Variants in RORA observed in about 807,000 individuals in gnomAD.
RORA encodes nuclear receptor ROR-alpha.
A neutral mutation model predicts 69.5 loss-of-function variants in RORA; 7 were observed. The observed-to-expected ratio is 0.10, with a 90% CI of 0.06 to 0.19. The LOEUF is 0.19. Ranked by LOEUF, RORA falls within the 10% of genes least tolerant of loss-of-function variation. The probability of loss-of-function intolerance (pLI) is 1.00; values close to 1 mark genes in which losing one functional copy is unlikely to be tolerated. For synonymous variants in RORA, 261 were observed against 240.8 expected (o/e 1.08, Z -0.78); for missense variants, 457 against 663.0 (o/e 0.69, Z 3.41).
intron 2 of RORA, among the ~76,000 whole-genome samples, chr15:60,561,076 GTTTTTGTTTTTT>G (rs1217558858): frequency 7.7e-6 from 1 of 129,410 alleles, no homozygotes; most frequent in Non-Finnish European, 1.7e-5. Context: ...TTTTTGTTTT[GTTTTTGTTTTTT>G]TTTTTGTTTT....
intron 4 of RORA, chr15:60,512,092 C>T (rs138686123): frequency 7.6e-5 from 12 of 157,736 alleles, no homozygotes; most frequent in Admixed American, 1.9e-4. Context: ...CCGTCTTGTA[C>T]GCTCCGACAG....
chr15:60,992,125 G>A (rs1016630275), intron 1 of RORA, among the ~76,000 whole-genome samples: 4 of 152,078 alleles, frequency 2.6e-5, no homozygotes, highest in Admixed American at 1.3e-4. Context: ...ACACATTATT[G>A]TATTAATAAA....
chr15:61,047,595 T>A (rs879738229), intron 1 of RORA, among the ~76,000 whole-genome samples: 1 of 137,014 alleles, frequency 7.3e-6, no homozygotes, highest in Non-Finnish European at 1.7e-5. Context: ...GTGTCGAGAA[T>A]GGTAAAACAA....
At chr15:61,118,216 A>G (rs2079067627) in intron 1 of RORA, among the ~76,000 whole-genome samples, 1 of 152,116 alleles carries the variant, frequency 6.6e-6, no homozygotes, top group Admixed American at 6.5e-5. Flanking sequence ...GGGGAATGTC[A>G]GGGTTTCAAG....
At chr15:60,935,722 T>C (rs1283181975) in intron 1 of RORA, among the ~76,000 whole-genome samples, 2 of 152,158 alleles carry the variant, frequency 1.3e-5, no homozygotes, top group Admixed American at 6.5e-5. Flanking sequence ...TCCAGATAAA[T>C]AAAACATCAG....
chr15:60,985,735 C>A (rs967647888), intron 1 of RORA, among the ~76,000 whole-genome samples: 10 of 151,904 alleles, frequency 6.6e-5, no homozygotes, highest in Non-Finnish European at 1.3e-4. Context: ...CAGGTGCGCG[C>A]CACCATGCCC....
intron 2 of RORA, among the ~76,000 whole-genome samples, chr15:60,598,806 A>T (rs2068754484): frequency 6.6e-6 from 1 of 152,216 alleles, no homozygotes; most frequent in African/African-American, 2.4e-5. Context: ...GAGGACACAA[A>T]GATGGATAAG....
At chr15:60,934,507 T>C in intron 1 of RORA, among the ~76,000 whole-genome samples, 1 of 152,116 alleles carries the variant, frequency 6.6e-6, no homozygotes, top group East Asian at 1.9e-4. Context: ...GTTTGTTTGT[T>C]TGTTTTTTTC....
intron 2 of RORA, among the ~76,000 whole-genome samples, chr15:60,587,921 T>C (rs1230636997): frequency 6.6e-6 from 1 of 152,188 alleles, no homozygotes; most frequent in Non-Finnish European, 1.5e-5. Context: ...AGACCTCCTA[T>C]CTCTTGACAA....
chr15:60,841,611 G>A (rs2073199441), intron 1 of RORA, among the ~76,000 whole-genome samples: 1 of 152,150 alleles, frequency 6.6e-6, no homozygotes, highest in South Asian at 2.1e-4. Flanking sequence ...TTTCCTGGAG[G>A]GATTCCTCCC....
At chr15:61,193,486 G>A (rs1662647615) in intron 1 of RORA, among the ~76,000 whole-genome samples, 1 of 152,142 alleles carries the variant, frequency 6.6e-6, no homozygotes, top group Non-Finnish European at 1.5e-5. Flanking sequence ...TGTGAATAGA[G>A]AAAAGCCAAC....
intron 1 of RORA, among the ~76,000 whole-genome samples, chr15:60,892,839 C>T (rs1027775586): frequency 3.9e-5 from 6 of 152,222 alleles, no homozygotes; most frequent in African/African-American, 1.2e-4. Flanking sequence ...AGTTGGCATG[C>T]TCCCAGCCTG....
At chr15:60,510,118 C>G (rs563176317) in intron 5 of RORA, among the ~76,000 whole-genome samples, 78 of 152,334 alleles carry the variant, frequency 5.1e-4, no homozygotes, top group African/African-American at 1.7e-3. Context: ...CTGAGGATTT[C>G]TGTGCTCAAG....
intron 1 of RORA, among the ~76,000 whole-genome samples, chr15:60,782,664 T>G (rs1245016536): frequency 6.6e-6 from 1 of 152,210 alleles, no homozygotes; most frequent in Non-Finnish European, 1.5e-5. Flanking sequence ...GAAGCAAAGT[T>G]TCCCGAAGAC....
At chr15:60,817,503 C>G (rs1473559211) in intron 1 of RORA, among the ~76,000 whole-genome samples, 2 of 152,206 alleles carry the variant, frequency 1.3e-5, no homozygotes, top group East Asian at 1.9e-4. Context: ...TAATACATTA[C>G]TATTAACTAT....
At chr15:60,768,534 C>T (rs1384662173) in intron 1 of RORA, among the ~76,000 whole-genome samples, 2 of 152,230 alleles carry the variant, frequency 1.3e-5, no homozygotes, top group Non-Finnish European at 2.9e-5. Context: ...TTATTTTCCA[C>T]TCCCATACTA....
At position 60,786,346 on chromosome 15, in the gene RORA, A is replaced by C. The variant is rs530116638; in HGVS notation, c.167-107660T>G. 6.6e-5 allele frequency among the ~76,000 whole-genome samples: 10 copies of C among 152,384 alleles called. No individual in the cohort carries two copies. The East Asian group carries it at 1.9e-3, about 29-fold the overall frequency. On this transcript the variant is annotated intron_variant, in intron 1 of 10. Coordinates refer to ENST00000335670, the MANE Select transcript of RORA (RefSeq NM_134261.3). ...ATAACAGAAACAAAAATGCCTCAAA[A>C]AGATAAATATTACTAATACCTTTTA...
chr15:61,038,158 C>A, intron 1 of RORA, among the ~76,000 whole-genome samples: 1 of 152,160 alleles, frequency 6.6e-6, no homozygotes, highest in East Asian at 1.9e-4. Flanking sequence ...AGCAAACCCT[C>A]TGCATTAATA....
At chr15:61,120,004 A>T (rs1419255338) in intron 1 of RORA, among the ~76,000 whole-genome samples, 1 of 152,138 alleles carries the variant, frequency 6.6e-6, no homozygotes, top group Non-Finnish European at 1.5e-5. Context: ...GGAGAACATG[A>T]GTGCACAGGG....
Sources: allele counts gnomAD v4.1 joint callset (sites outside exome capture counted in the v4.1 genomes callset), GRCh38; gene constraint gnomAD v4.1.1; transcripts MANE v1.5; gene names NCBI Gene and HGNC (gene_info 2026-07-23, HGNC 2026-07-21).